The following FAXDC2 variants were observed in gnomAD, a reference collection of about 807,000 sequenced individuals.
The protein encoded by FAXDC2 is fatty acid hydroxylase domain containing 2.
FAXDC2 carries 41 observed loss-of-function variants against 40.9 expected under a neutral mutation model. The observed-to-expected ratio is 1.00, with a 90% CI of 0.78 to 1.30. FAXDC2 has a LOEUF of 1.30. FAXDC2 is among the 50% of genes most tolerant of loss of function. The pLI is 0.00. For synonymous variants in FAXDC2, 157 were observed against 149.3 expected (o/e 1.05, Z -0.38); for missense variants, 390 against 408.8 (o/e 0.95, Z 0.40).
At chr5:154,834,096 ATTAT>A (rs1477341546) in intron 4 of FAXDC2, among the ~76,000 whole-genome samples, 1 of 149,094 alleles carries the variant, frequency 6.7e-6, no homozygotes, top group East Asian at 1.9e-4. Flanking sequence ...ATTGTATATA[ATTAT>A]TATTTGAGTG....
At chr5:154,830,762 G>C in intron 5 of FAXDC2, 39 bp downstream of exon 5, 1 of 1,608,350 alleles carries the variant, frequency 6.2e-7, no homozygotes, top group Non-Finnish European at 8.5e-7. Flanking sequence ...TTTGGCTCTT[G>C]CTTTCTGTGC....
At chr5:154,822,317 CAT>C in intron 7 of FAXDC2, 153 bp downstream of exon 7, 1 of 651,156 alleles carries the variant, frequency 1.5e-6, no homozygotes, top group Admixed American at 2.6e-5. Flanking sequence ...TAGCACTTAA[CAT>C]AGCCTGGCAT....
Position 154,830,802 on chromosome 5 carries a change from G to C in FAXDC2, c.365C>G (p.Pro122Arg), listed in dbSNP as rs756783732. ...ACCAGAAGTTGCAACAACACTTACA[G>C]GTTCATTCTTGCCGACCTGAATTCG... ...RYRIQVGKNEPVDPVKLRQSI... is the reference protein window; with the variant it reads ...RYRIQVGKNERVDPVKLRQSI... The change falls in exon 5 of 9, where the codon CCT (proline) becomes CGT (arginine). Residue 122 changes from proline to arginine, a missense_variant and splice_region_variant. Coordinates refer to ENST00000326080, the MANE Select transcript of FAXDC2 (RefSeq NM_032385.5). 1 of 1,613,972 alleles carries C rather than the reference G, an allele frequency of 6.2e-7. No homozygotes were observed. The highest frequency in any genetic ancestry group is 8.5e-7 in the Non-Finnish European group (1 of 1,179,982).
chr5:154,833,498 A>G (rs1039852756), intron 4 of FAXDC2, among the ~76,000 whole-genome samples: 3 of 151,472 alleles, frequency 2.0e-5, no homozygotes, highest in Non-Finnish European at 4.4e-5. Context: ...GGCACGCACC[A>G]CCACACCCAG....
At chr5:154,832,073 T>C (rs947732225) in intron 4 of FAXDC2, among the ~76,000 whole-genome samples, 1 of 152,244 alleles carries the variant, frequency 6.6e-6, no homozygotes, top group Non-Finnish European at 1.5e-5. Context: ...AGTACAACTA[T>C]ATACCCAATA....
At chr5:154,832,216 G>GTGT in intron 4 of FAXDC2, among the ~76,000 whole-genome samples, 1 of 134,950 alleles carries the variant, frequency 7.4e-6, no homozygotes, top group Admixed American at 7.5e-5. Flanking sequence ...ATTTACTTTT[G>GTGT]TTTTTTTTTT....
intron 4 of FAXDC2, among the ~76,000 whole-genome samples, chr5:154,833,589 A>C (rs954517821): frequency 1.2e-4 from 19 of 152,272 alleles, no homozygotes; most frequent in African/African-American, 4.6e-4. Context: ...CCTGACTTCA[A>C]GTGATCCACC....
chr5:154,839,798 TCTC>T (rs1760437584), intron 1 of FAXDC2, among the ~76,000 whole-genome samples: 2 of 152,134 alleles, frequency 1.3e-5, no homozygotes, highest in South Asian at 4.1e-4. Flanking sequence ...GATGACAAAT[TCTC>T]CTCCATCACT....
chr5:154,848,038 A>G (rs1158045109), intron 1 of FAXDC2, among the ~76,000 whole-genome samples: 4 of 151,780 alleles, frequency 2.6e-5, no homozygotes, highest in East Asian at 1.9e-4. Context: ...ACAGGGTTTC[A>G]CCATGTTAGC....
chr5:154,830,947 C>G (rs373295045), intron 4 of FAXDC2, 25 bp from the exon 5 acceptor site: 7 of 1,611,898 alleles, frequency 4.3e-6, no homozygotes, highest in Non-Finnish European at 5.1e-6. Flanking sequence ...CAGAAACAGT[C>G]AGGGCGACTT....
chr5:154,836,559 T>C (rs899417501), intron 2 of FAXDC2, among the ~76,000 whole-genome samples: 3 of 152,226 alleles, frequency 2.0e-5, no homozygotes, highest in Non-Finnish European at 4.4e-5. Flanking sequence ...CTACCCTGTG[T>C]GTGCCTGGGG....
At chr5:154,823,947 C>G (rs1759953762) in intron 5 of FAXDC2, 1 of 278,732 alleles carries the variant, frequency 3.6e-6, no homozygotes, top group South Asian at 5.0e-5. Context: ...TTGGAGAAGG[C>G]TGTGACTTTC....
At chr5:154,822,313 T>G in intron 7 of FAXDC2, 159 bp downstream of exon 7, 1 of 646,240 alleles carries the variant, frequency 1.5e-6, no homozygotes, top group Non-Finnish European at 2.8e-6. Flanking sequence ...GTGTTAGCAC[T>G]TAACATAGCC....
Position 154,820,253 on chromosome 5 carries a change from A to T in FAXDC2, c.*63T>A, listed in dbSNP as rs919280703. 1.4e-6 allele frequency: 2 copies of T among 1,389,882 alleles called. No individual in the cohort carries two copies. The highest frequency in any genetic ancestry group is 2.0e-6 in the Non-Finnish European group (2 of 1,016,834). The allele number at this position is 1,389,882 out of a possible 1,614,324, so 86.1% of individuals were successfully genotyped here. ...CGAAGGAGGCAAATTGTTAGGTGCA[A>T]TCAGGAAGCCGTGTCTGCATCCCAT... On this transcript the variant is annotated 3_prime_UTR_variant, in exon 9 of 9. Coordinates refer to ENST00000326080, the MANE Select transcript of FAXDC2 (RefSeq NM_032385.5).
intron 5 of FAXDC2, chr5:154,830,559 T>C (rs1582527159): frequency 2.4e-6 from 1 of 416,816 alleles, no homozygotes; most frequent in Admixed American, 3.5e-5. Flanking sequence ...CACAGGCAGG[T>C]CCAGAGCCTG....
rs753996084 is a variant in FAXDC2 at position 154,834,728 on chromosome 5, C to G, written c.141G>C (p.Trp47Cys). ...SFVAFWNSVT[W>C]HLQRFWGASG... ...AAGCACCCCAAAATCTCTGAAGATGCCTTGGAAAAAAAACCAGGTTTCTGG... is the reference window on the plus strand; with the variant it reads ...AAGCACCCCAAAATCTCTGAAGATGGCTTGGAAAAAAAACCAGGTTTCTGG... Residue 47 changes from tryptophan (W) to cysteine (C), a missense_variant and splice_region_variant, in exon 4 of 9, where the codon TGG becomes TGC. By Grantham distance (215) the Trp-to-Cys change is radical. Transcript: ENST00000326080. The G allele has an allele frequency of 1.2e-6, 2 of 1,613,236 alleles. No homozygotes were observed. Among genetic ancestry groups the G allele is most frequent in the Non-Finnish European group, 1.7e-6 (2 of 1,179,726 alleles).
chr5:154,843,804 A>G (rs77950455), intron 1 of FAXDC2, among the ~76,000 whole-genome samples: 3,986 of 152,328 alleles, frequency 0.026, 189 homozygotes, highest in African/African-American at 0.09. Flanking sequence ...TATACTTTTT[A>G]TGAGGATATA....
chr5:154,832,356 GGC>G (rs1422325127), intron 4 of FAXDC2, among the ~76,000 whole-genome samples: 2 of 151,952 alleles, frequency 1.3e-5, no homozygotes, highest in Non-Finnish European at 2.9e-5. Flanking sequence ...TGGGACTACT[GGC>G]GCCCGCCACC....
intron 2 of FAXDC2, among the ~76,000 whole-genome samples, chr5:154,836,746 G>T (rs907595773): frequency 6.6e-6 from 1 of 152,068 alleles, no homozygotes; most frequent in Non-Finnish European, 1.5e-5. Context: ...CACCTTCCAA[G>T]TTCAAGCGAT....
Sources: gnomAD v4.1 joint callset for allele counts (sites outside exome capture counted in the v4.1 genomes callset) on GRCh38, gnomAD v4.1.1 for gene constraint, MANE v1.5 for transcripts, NCBI Gene and HGNC (gene_info 2026-07-23, HGNC 2026-07-21) for gene names.